Variants in HS3ST3A1 observed in about 807,000 individuals in gnomAD.
HS3ST3A1 encodes heparan sulfate glucosamine 3-O-sulfotransferase 3A1.
In HS3ST3A1, 19 loss-of-function variants were observed where a neutral mutation model predicts 25.7. The observed-to-expected ratio is 0.74, with a 90% CI of 0.52 to 1.08. The LOEUF is 1.08. Ranked by LOEUF, HS3ST3A1 falls within the 50% of genes least tolerant of loss-of-function variation. The pLI, the probability that HS3ST3A1 is intolerant of heterozygous loss-of-function variation, is 0.00. For missense variants in HS3ST3A1, 459 were observed against 594.3 expected (o/e 0.77, Z 2.37); for synonymous variants, 226 against 278.6 (o/e 0.81, Z 1.88).
intron 1 of HS3ST3A1, among the ~76,000 whole-genome samples, chr17:13,583,955 C>T (rs536406658): frequency 1.8e-4 from 27 of 152,218 alleles, no homozygotes; most frequent in African/African-American, 6.0e-4. Flanking sequence ...TGCTTTGCTT[C>T]GTTTTTGAGG....
intron 1 of HS3ST3A1, among the ~76,000 whole-genome samples, chr17:13,536,900 G>A (rs1162016478): frequency 1.3e-5 from 2 of 152,138 alleles, no homozygotes; most frequent in Admixed American, 6.5e-5. Flanking sequence ...TGAAAATTAT[G>A]AGCCTAGTCC....
intron 1 of HS3ST3A1, among the ~76,000 whole-genome samples, chr17:13,568,616 C>A (rs1333810064): frequency 6.6e-6 from 1 of 152,046 alleles, no homozygotes; most frequent in Non-Finnish European, 1.5e-5. Context: ...AAGTATCTTT[C>A]AGAGTGTTAT....
chr17:13,592,317 C>T (rs948564644), intron 1 of HS3ST3A1, among the ~76,000 whole-genome samples: 4 of 152,150 alleles, frequency 2.6e-5, no homozygotes, highest in African/African-American at 9.7e-5. Flanking sequence ...CTATTAATAA[C>T]ATCAGACTAC....
intron 1 of HS3ST3A1, among the ~76,000 whole-genome samples, chr17:13,509,314 C>A (rs1363593485): frequency 6.6e-6 from 1 of 151,950 alleles, no homozygotes; most frequent in Admixed American, 6.6e-5. Flanking sequence ...ACCCATGTAA[C>A]CCTGGGAAAC....
At chr17:13,506,057 G>T (rs901443549) in intron 1 of HS3ST3A1, among the ~76,000 whole-genome samples, 3 of 142,144 alleles carry the variant, frequency 2.1e-5, no homozygotes, top group Admixed American at 7.0e-5. Flanking sequence ...TTGGATTTCT[G>T]TTTCAGTAGA....
At chr17:13,532,911 A>G (rs1906651787) in intron 1 of HS3ST3A1, among the ~76,000 whole-genome samples, 1 of 147,098 alleles carries the variant, frequency 6.8e-6, no homozygotes, top group Non-Finnish European at 1.5e-5. Context: ...TTATATACAC[A>G]CACACACACA....
At chr17:13,503,039 G>A (rs1036956416) in intron 1 of HS3ST3A1, among the ~76,000 whole-genome samples, 47 of 151,936 alleles carry the variant, frequency 3.1e-4, no homozygotes, top group Middle Eastern at 3.4e-3. Flanking sequence ...TTAGCTGGGC[G>A]TGTTGGCGTG....
At chr17:13,499,205 AT>A (rs1905379243) in intron 1 of HS3ST3A1, among the ~76,000 whole-genome samples, 1 of 152,200 alleles carries the variant, frequency 6.6e-6, no homozygotes, top group Non-Finnish European at 1.5e-5. Context: ...TGTGATGCAG[AT>A]TCCGCGGTGT....
In HS3ST3A1 at chr17:13,496,061, G is replaced by T; in HGVS notation, c.*136C>A. 1 of 1,118,732 alleles carries T rather than the reference G, an allele frequency of 8.9e-7. No individual in the cohort carries two copies. Among genetic ancestry groups the T allele is most frequent in the Non-Finnish European group, 1.2e-6 (1 of 816,598 alleles). The allele number at this position is 1,118,732 out of a possible 1,614,324, so 69.3% of individuals were successfully genotyped here. A position where few individuals can be genotyped will look rare whatever the true frequency, so the allele number is the denominator to read the frequency against. ...TTATACATTAAGATGGGGCGGGAGT[G>T]AGAACAATCTCTTAACATTCATTGA... On this transcript the variant is annotated 3_prime_UTR_variant, in exon 2 of 2. Transcript: ENST00000284110.
chr17:13,595,573 C>A (rs1908551922), intron 1 of HS3ST3A1, among the ~76,000 whole-genome samples: 1 of 152,126 alleles, frequency 6.6e-6, no homozygotes, highest in South Asian at 2.1e-4. Flanking sequence ...ATTAGAGGCA[C>A]ATATTTAATA....
intron 1 of HS3ST3A1, among the ~76,000 whole-genome samples, chr17:13,499,876 G>A (rs1905410200): frequency 6.6e-6 from 1 of 152,156 alleles, no homozygotes; most frequent in Non-Finnish European, 1.5e-5. Flanking sequence ...TGGGTGTGGA[G>A]AGTTGGGCTT....
chr17:13,577,378 ATTCCTGGGGTTGCT>A (rs1487539685), intron 1 of HS3ST3A1, among the ~76,000 whole-genome samples: 1 of 152,152 alleles, frequency 6.6e-6, no homozygotes, highest in Non-Finnish European at 1.5e-5. Flanking sequence ...AGTTCATTGT[ATTCCTGGGGTTGCT>A]TTCTGACTGC....
At chr17:13,538,214 G>A (rs1346266050) in intron 1 of HS3ST3A1, among the ~76,000 whole-genome samples, 2 of 152,118 alleles carry the variant, frequency 1.3e-5, no homozygotes, top group African/African-American at 4.8e-5. Flanking sequence ...CCATGATATT[G>A]GATACTGGGA....
At chr17:13,512,351 A>T (rs1367061995) in intron 1 of HS3ST3A1, among the ~76,000 whole-genome samples, 1 of 151,012 alleles carries the variant, frequency 6.6e-6, no homozygotes, top group Non-Finnish European at 1.5e-5. Context: ...TTTATATGAC[A>T]CATTCAGAAT....
chr17:13,549,182 A>G (rs1191347256), intron 1 of HS3ST3A1, among the ~76,000 whole-genome samples: 1 of 152,020 alleles, frequency 6.6e-6, no homozygotes, highest in Non-Finnish European at 1.5e-5. Flanking sequence ...GGAACAAACA[A>G]CTCCGGACAC....
intron 1 of HS3ST3A1, among the ~76,000 whole-genome samples, chr17:13,576,568 C>A (rs1430528388): frequency 1.3e-5 from 2 of 152,204 alleles, no homozygotes; most frequent in East Asian, 3.9e-4. Flanking sequence ...GTCTAGCCCA[C>A]ATCCAAGAGG....
intron 1 of HS3ST3A1, among the ~76,000 whole-genome samples, chr17:13,579,742 T>C (rs1457843941): frequency 7.5e-6 from 1 of 133,302 alleles, no homozygotes; most frequent in Admixed American, 7.9e-5. Flanking sequence ...TAAGAAATTA[T>C]GCTTTGGGAG....
intron 1 of HS3ST3A1, among the ~76,000 whole-genome samples, chr17:13,582,427 C>T (rs1908140552): frequency 6.6e-6 from 1 of 152,154 alleles, no homozygotes; most frequent in African/African-American, 2.4e-5. Context: ...TTGCCCGAAC[C>T]TTTACAACTG....
chr17:13,543,199 T>C (rs573721001), intron 1 of HS3ST3A1, among the ~76,000 whole-genome samples: 4 of 152,246 alleles, frequency 2.6e-5, no homozygotes, highest in African/African-American at 9.6e-5. Context: ...AAAACCCCAA[T>C]TTATAGCCAG....
Sources: allele counts gnomAD v4.1 joint callset (sites outside exome capture counted in the v4.1 genomes callset), GRCh38; gene constraint gnomAD v4.1.1; transcripts MANE v1.5; gene names NCBI Gene and HGNC (gene_info 2026-07-23, HGNC 2026-07-21).